The following GNA12 variants were observed in gnomAD, a reference collection of about 807,000 sequenced individuals.
GNA12 encodes guanine nucleotide-binding protein subunit alpha-12.
Under a neutral mutation model 26.0 loss-of-function variants are expected in GNA12, and 9 were observed. The ratio of observed to expected loss-of-function variants is 0.35; its 90% CI spans 0.21 to 0.60. GNA12 has a LOEUF of 0.60. Ranked by LOEUF, GNA12 falls within the 20% of genes least tolerant of loss-of-function variation. The probability of loss-of-function intolerance (pLI) is 0.78; values close to 1 mark genes in which losing one functional copy is unlikely to be tolerated. For missense variants in GNA12, 405 were observed against 525.8 expected (o/e 0.77, Z 2.25); for synonymous variants, 264 against 219.6 (o/e 1.20, Z -1.79).
chr7:2,760,997 G>T (rs1405357366), intron 2 of GNA12, among the ~76,000 whole-genome samples: 2 of 152,218 alleles, frequency 1.3e-5, no homozygotes, highest in African/African-American at 4.8e-5. Context: ...AGTCCTCACA[G>T]TTCATGGGTA....
At chr7:2,786,430 G>C (rs573587998) in intron 2 of GNA12, among the ~76,000 whole-genome samples, 6 of 152,176 alleles carry the variant, frequency 3.9e-5, no homozygotes, top group African/African-American at 1.4e-4. Flanking sequence ...AATGTCAATA[G>C]CCAACTAAGA....
intron 2 of GNA12, among the ~76,000 whole-genome samples, chr7:2,736,509 C>G (rs1265602351): frequency 6.6e-6 from 1 of 152,198 alleles, no homozygotes; most frequent in Non-Finnish European, 1.5e-5. Context: ...TGAACCTGAG[C>G]AGGGGCTGGT....
intron 1 of GNA12, among the ~76,000 whole-genome samples, chr7:2,808,099 C>G (rs1294500392): frequency 2.0e-5 from 3 of 152,230 alleles, no homozygotes; most frequent in African/African-American, 7.2e-5. Flanking sequence ...ACTGTTTAGA[C>G]AACTAAACGG....
chr7:2,741,000 G>A (rs1039754676), intron 2 of GNA12, among the ~76,000 whole-genome samples: 8 of 152,178 alleles, frequency 5.3e-5, no homozygotes, highest in Admixed American at 3.9e-4. Context: ...AGCTGAGATC[G>A]GGCCACTGCA....
At chr7:2,741,935 C>T (rs1790527444) in intron 2 of GNA12, among the ~76,000 whole-genome samples, 1 of 151,674 alleles carries the variant, frequency 6.6e-6, no homozygotes, top group Admixed American at 6.6e-5. Context: ...AGACCATTTC[C>T]CTCCTCTAGC....
intron 1 of GNA12, among the ~76,000 whole-genome samples, chr7:2,796,831 C>T (rs930707629): frequency 4.6e-5 from 7 of 152,188 alleles, no homozygotes; most frequent in African/African-American, 1.7e-4. Context: ...AAAATATTCT[C>T]TCAGCAAAAA....
chr7:2,734,260 G>C (rs1358295761), intron 2 of GNA12, among the ~76,000 whole-genome samples: 2 of 152,206 alleles, frequency 1.3e-5, no homozygotes, highest in Non-Finnish European at 1.5e-5. Flanking sequence ...ACCGACCACA[G>C]AGCAGCCCGC....
chr7:2,842,608 G>A (rs1339687544), intron 1 of GNA12, among the ~76,000 whole-genome samples: 3 of 152,170 alleles, frequency 2.0e-5, no homozygotes, highest in Non-Finnish European at 4.4e-5. Context: ...GACTTCTACA[G>A]CTTCTTTCAC....
intron 1 of GNA12, among the ~76,000 whole-genome samples, chr7:2,833,037 GAAA>G (rs1778722971): frequency 6.6e-6 from 1 of 152,236 alleles, no homozygotes; most frequent in Non-Finnish European, 1.5e-5. Context: ...CTCACAGAGA[GAAA>G]GACTAACCCA....
At chr7:2,792,514 C>G (rs768818180) in intron 2 of GNA12, among the ~76,000 whole-genome samples, 1 of 152,190 alleles carries the variant, frequency 6.6e-6, no homozygotes, top group East Asian at 1.9e-4. Context: ...ACGATCAGCC[C>G]CAGACACTTC....
At chr7:2,817,697 G>C (rs1042328480) in intron 1 of GNA12, among the ~76,000 whole-genome samples, 2 of 152,224 alleles carry the variant, frequency 1.3e-5, no homozygotes, top group Non-Finnish European at 2.9e-5. Flanking sequence ...TGGAACAAAT[G>C]AATGAATGCA....
intron 1 of GNA12, chr7:2,835,690 A>G: frequency 9.4e-7 from 1 of 1,065,086 alleles, no homozygotes; most frequent in Non-Finnish European, 1.5e-6. Context: ...ACAAAAGATA[A>G]ACAAATTTGC....
intron 1 of GNA12, among the ~76,000 whole-genome samples, chr7:2,811,768 G>C (rs1362612171): frequency 1.3e-5 from 2 of 152,144 alleles, no homozygotes; most frequent in Admixed American, 1.3e-4. Flanking sequence ...TCTTCCCTGC[G>C]GCACGGACGC....
In GNA12 at chr7:2,753,187, C is replaced by T. The variant is rs138266454; in HGVS notation, c.526-19686G>A. Reference sequence around the variant, plus strand: ...TTTTAAAAAAAGAGACAGGGTCTTACTGTGTTGCCCAGGATGGAATGCAGC... The same window carrying T: ...TTTTAAAAAAAGAGACAGGGTCTTATTGTGTTGCCCAGGATGGAATGCAGC... On this transcript the variant is annotated intron_variant, in intron 2 of 3. Transcript: ENST00000275364. Among the ~76,000 whole-genome samples, 7 of 151,854 alleles carry T rather than the reference C, an allele frequency of 4.6e-5. No individual in the cohort carries two copies. The East Asian group carries it at 1.4e-3, about 29-fold the overall frequency.
At chr7:2,778,527 C>A (rs535402371) in intron 2 of GNA12, among the ~76,000 whole-genome samples, 177 of 152,346 alleles carry the variant, frequency 1.2e-3, no homozygotes, top group Admixed American at 2.1e-3. Context: ...GATCATCTCT[C>A]CACAAGTTGG....
chr7:2,752,596 G>C (rs555840563), intron 2 of GNA12, among the ~76,000 whole-genome samples: 1 of 152,154 alleles, frequency 6.6e-6, no homozygotes, highest in African/African-American at 2.4e-5. Flanking sequence ...CGTGAGTTCA[G>C]CACATTCACA....
In GNA12 at chr7:2,731,822, G is replaced by T; in HGVS notation, c.577-72C>A. 1 of 785,264 alleles carries T rather than the reference G, an allele frequency of 1.3e-6. No homozygotes were observed. Among genetic ancestry groups the T allele is most frequent in the South Asian group, 3.0e-5 (1 of 33,614 alleles). 48.6% of individuals were successfully genotyped at this position (785,264 alleles called of 1,614,324 possible). ...ACAGAGAAAATAGAAACAAAAAGATGGCAAAAAGATAAGAAGGAAAGAGAC... is the reference window on the plus strand; with the variant it reads ...ACAGAGAAAATAGAAACAAAAAGATTGCAAAAAGATAAGAAGGAAAGAGAC... On this transcript the variant is annotated intron_variant, in intron 3 of 3. Transcript: ENST00000275364. The surrounding 1 kb of genome is among the most constrained non-coding windows in gnomAD (Gnocchi z 6.0).
chr7:2,785,982 G>A (rs1222980373), intron 2 of GNA12, among the ~76,000 whole-genome samples: 2 of 152,224 alleles, frequency 1.3e-5, no homozygotes, highest in African/African-American at 2.4e-5. Flanking sequence ...CAGGACAATC[G>A]CTTGAACCCA....
chr7:2,776,836 G>T (rs1792089801), intron 2 of GNA12, among the ~76,000 whole-genome samples: 1 of 152,132 alleles, frequency 6.6e-6, no homozygotes, highest in South Asian at 2.1e-4. Flanking sequence ...TGTAATCCAG[G>T]GACTTTGGGA....
Sources: allele counts gnomAD v4.1 joint callset (sites outside exome capture counted in the v4.1 genomes callset), GRCh38; gene constraint gnomAD v4.1.1; non-coding constraint Gnocchi (gnomAD v3.1); transcripts MANE v1.5; gene names NCBI Gene and HGNC (gene_info 2026-07-23, HGNC 2026-07-21).